Variants in LIPA observed in about 807,000 individuals in gnomAD.
LIPA encodes the protein lysosomal acid lipase/cholesteryl ester hydrolase.
In LIPA, 26 loss-of-function variants were observed where a neutral mutation model predicts 40.6. The observed-to-expected ratio is 0.64, with a 90% CI of 0.47 to 0.89. The LOEUF (loss-of-function observed/expected upper bound fraction) is 0.89, where lower values mean the gene tolerates loss of function less well. Among genes scored for constraint, LIPA ranks in the 40% least tolerant of loss-of-function variants. LIPA has a pLI of 0.00. For synonymous variants in LIPA, 188 were observed against 168.4 expected (o/e 1.12, Z -0.90); for missense variants, 455 against 479.6 (o/e 0.95, Z 0.48).
intron 2 of LIPA, chr10:89,402,469 A>C: frequency 6.2e-7 from 1 of 1,614,204 alleles, no homozygotes; most frequent in African/African-American, 1.3e-5. Context: ...AAACACCTGA[A>C]AGGCCAGAAT....
intron 1 of LIPA, chr10:89,327,912 A>G (rs887693739): frequency 1.6e-6 from 1 of 606,674 alleles, no homozygotes; most frequent in Non-Finnish European, 2.9e-6. Flanking sequence ...CCCTAAAAGC[A>G]ATTACTCAAA....
intron 2 of LIPA, among the ~76,000 whole-genome samples, chr10:89,362,105 T>C (rs1389702326): frequency 6.6e-6 from 1 of 151,998 alleles, no homozygotes; most frequent in Non-Finnish European, 1.5e-5. Context: ...AGTTTTGCCA[T>C]GTTGCCCAGG....
chr10:89,294,796 G>A (rs989917634), intron 1 of LIPA, among the ~76,000 whole-genome samples: 2 of 151,972 alleles, frequency 1.3e-5, no homozygotes, highest in Non-Finnish European at 1.5e-5. Flanking sequence ...GAAACATAGT[G>A]AGACCCTATC....
At position 89,316,732 on chromosome 10, in the gene LIPA, C is replaced by T. The variant is rs191265553; in HGVS notation, c.-2+25879G>A. Among the ~76,000 whole-genome samples, 88 of 152,350 alleles carry T rather than the reference C, an allele frequency of 5.8e-4. No homozygotes were observed. In the East Asian group the frequency reaches 0.014, roughly 25 times the overall value. ...GAAGAGAGTAGTGGTTCTCCCAGCA[C>T]GGAGTTTGAGATCTGAGAATGGACA... On this transcript the variant is annotated intron_variant, in intron 1 of 5. Transcript: ENST00000282673.
chr10:89,291,136 C>T (rs1210844153), intron 1 of LIPA, among the ~76,000 whole-genome samples: 1 of 151,242 alleles, frequency 6.6e-6, no homozygotes, highest in African/African-American at 2.4e-5. Context: ...TTCTTCCATC[C>T]TTCCTTCCTT....
intron 1 of LIPA, among the ~76,000 whole-genome samples, chr10:89,323,167 T>C (rs1843580845): frequency 6.6e-6 from 1 of 152,212 alleles, no homozygotes; most frequent in African/African-American, 2.4e-5. Flanking sequence ...ATTCACCACA[T>C]AAGCAGAACT....
At chr10:89,306,488 C>A in intron 1 of LIPA, 1 of 1,614,148 alleles carries the variant, frequency 6.2e-7, no homozygotes, top group Non-Finnish European at 8.5e-7. Context: ...CACCTCTGGA[C>A]TGGCAATAGC....
intron 3 of LIPA, among the ~76,000 whole-genome samples, chr10:89,239,916 G>C (rs992121793): frequency 1.9e-4 from 29 of 152,262 alleles, no homozygotes; most frequent in African/African-American, 6.7e-4. Context: ...ATGCCAAATT[G>C]CCTGTCTTCC....
At chr10:89,383,210 A>G in intron 2 of LIPA, 1 of 942,018 alleles carries the variant, frequency 1.1e-6, no homozygotes, top group South Asian at 1.7e-5. Context: ...CAGATAATGG[A>G]GGCAGGGAAA....
intron 2 of LIPA, chr10:89,383,617 G>A (rs74146921): frequency 1.2e-6 from 2 of 1,614,210 alleles, no homozygotes; most frequent in Non-Finnish European, 1.7e-6. Context: ...GGGCAACTTT[G>A]CCTGGGTGTA....
intron 2 of LIPA, chr10:89,403,298 G>C: frequency 6.2e-7 from 1 of 1,614,070 alleles, no homozygotes; most frequent in Non-Finnish European, 8.5e-7. Flanking sequence ...CATTTGAGGT[G>C]GCTCATCTAG....
At chr10:89,336,488 G>A (rs1843742445) in intron 1 of LIPA, among the ~76,000 whole-genome samples, 1 of 152,196 alleles carries the variant, frequency 6.6e-6, no homozygotes, top group Non-Finnish European at 1.5e-5. Flanking sequence ...AGCATTACTG[G>A]AGAGACAGAC....
chr10:89,307,088 G>A (rs1294123451), intron 1 of LIPA: 2 of 1,613,864 alleles, frequency 1.2e-6, no homozygotes, highest in Non-Finnish European at 1.7e-6. Context: ...TCTGCGGTAT[G>A]GCAACTTTCA....
intron 3 of LIPA, among the ~76,000 whole-genome samples, chr10:89,229,837 A>G (rs908036176): frequency 1.3e-5 from 2 of 151,502 alleles, no homozygotes; most frequent in African/African-American, 4.9e-5. Flanking sequence ...TTACAATTCC[A>G]CTCTGTGAGG....
At chr10:89,352,788 T>TAAAAAAA (rs34514402) in intron 2 of LIPA, among the ~76,000 whole-genome samples, 4 of 113,142 alleles carry the variant, frequency 3.5e-5, no homozygotes, top group Admixed American at 8.9e-5. Flanking sequence ...ACTACAAAGA[T>TAAAAAAA]AAAAAAAAAA....
chr10:89,286,946 C>A (rs936018627), intron 1 of LIPA, among the ~76,000 whole-genome samples: 16 of 152,238 alleles, frequency 1.1e-4, no homozygotes, highest in Non-Finnish European at 1.8e-4. Context: ...TCCTAGAGGA[C>A]CTTCTCCATC....
chr10:89,287,378 A>T (rs1843346389), intron 1 of LIPA, among the ~76,000 whole-genome samples: 1 of 151,694 alleles, frequency 6.6e-6, no homozygotes, highest in South Asian at 2.1e-4. Context: ...AAACTCCCCA[A>T]CTCTGATGCC....
chr10:89,285,007 C>A (rs1013521386), intron 1 of LIPA: 1 of 152,276 alleles, frequency 6.6e-6, no homozygotes, highest in African/African-American at 2.4e-5. Context: ...CATCCCATCT[C>A]CCTTCACTGA....
Position 89,216,022 on chromosome 10 carries a change from T to C in LIPA, c.895-13A>G, listed in dbSNP as rs1428955096. ...GGAATTTAACAGCCTAAAAAGAAGATAATTTGGAAAAGAGTTATCTGACAC... is the reference window on the plus strand; with the variant it reads ...GGAATTTAACAGCCTAAAAAGAAGACAATTTGGAAAAGAGTTATCTGACAC... On this transcript the variant is annotated splice_polypyrimidine_tract_variant and intron_variant, in intron 8 of 9. Transcript: ENST00000336233. The C allele has an allele frequency of 1.3e-6, 2 of 1,588,494 alleles. No homozygotes were observed. Among genetic ancestry groups the C allele is most frequent in the African/African-American group, 1.3e-5 (1 of 74,556 alleles).
Sources: gnomAD v4.1 joint callset for allele counts (sites outside exome capture counted in the v4.1 genomes callset) on GRCh38, gnomAD v4.1.1 for gene constraint, MANE v1.5 for transcripts, NCBI Gene and HGNC (gene_info 2026-07-23, HGNC 2026-07-21) for gene names.